The following SFMBT1 variants were observed in gnomAD, a reference collection of about 807,000 sequenced individuals.
SFMBT1 encodes the protein Scm like with four mbt domains 1.
A neutral mutation model predicts 108.7 loss-of-function variants in SFMBT1; 32 were observed. The ratio of observed to expected loss-of-function variants is 0.29; its 90% CI spans 0.22 to 0.40. The LOEUF (loss-of-function observed/expected upper bound fraction) is 0.40, where lower values mean the gene tolerates loss of function less well. Among genes scored for constraint, SFMBT1 ranks in the 10% least tolerant of loss-of-function variants. The pLI is 1.00. For missense variants in SFMBT1, 816 were observed against 1,059.6 expected (o/e 0.77, Z 3.19); for synonymous variants, 348 against 369.5 (o/e 0.94, Z 0.67).
intron 1 of SFMBT1, among the ~76,000 whole-genome samples, chr3:53,025,712 AC>A (rs1699466873): frequency 6.6e-6 from 1 of 152,152 alleles, no homozygotes. Context: ...TCCTAAACAT[AC>A]TTCATCTTTG....
chr3:53,019,112 A>C (rs1016581671), intron 1 of SFMBT1: 1 of 152,186 alleles, frequency 6.6e-6, no homozygotes, highest in Non-Finnish European at 1.5e-5. Context: ...CAACACAGTG[A>C]GACTTCGTTT....
intron 1 of SFMBT1, among the ~76,000 whole-genome samples, chr3:53,019,998 C>T (rs1699250218): frequency 6.6e-6 from 1 of 152,126 alleles, no homozygotes; most frequent in African/African-American, 2.4e-5. Flanking sequence ...TGCTCTACCC[C>T]TCACCCAGCC....
chr3:53,010,725 T>C (rs998508113), intron 1 of SFMBT1, among the ~76,000 whole-genome samples: 1 of 152,206 alleles, frequency 6.6e-6, no homozygotes, highest in Admixed American at 6.5e-5. Context: ...TCTCTGTATA[T>C]ATAGAACTTA....
intron 1 of SFMBT1, among the ~76,000 whole-genome samples, chr3:53,007,575 T>A (rs912781477): frequency 6.6e-6 from 1 of 152,200 alleles, no homozygotes; most frequent in African/African-American, 2.4e-5. Context: ...AAGCAGCAGC[T>A]TGAAGGGCCT....
intron 3 of SFMBT1, among the ~76,000 whole-genome samples, chr3:52,951,004 G>A (rs900309188): frequency 2.0e-5 from 3 of 149,838 alleles, no homozygotes; most frequent in African/African-American, 7.3e-5. Flanking sequence ...GGTGTCTGTA[G>A]TCTCAGCTAC....
chr3:52,938,540 A>G (rs556576055), intron 4 of SFMBT1, among the ~76,000 whole-genome samples: 1 of 152,082 alleles, frequency 6.6e-6, no homozygotes, highest in Admixed American at 6.5e-5. Flanking sequence ...GAAGTTAGCT[A>G]TAAGCCCTTC....
chr3:53,013,998 G>A (rs942707058), intron 1 of SFMBT1, among the ~76,000 whole-genome samples: 6 of 152,020 alleles, frequency 3.9e-5, no homozygotes, highest in Non-Finnish European at 8.8e-5. Context: ...AGTGCTTACC[G>A]CACTAGGCAC....
At position 52,913,586 on chromosome 3, in the gene SFMBT1, C is replaced by A; in HGVS notation, c.1512G>T (p.Lys504Asn). 6.2e-7 allele frequency: 1 copy of A among 1,613,804 alleles called. No individual in the cohort carries two copies. Among genetic ancestry groups the A allele is most frequent in the Non-Finnish European group, 8.5e-7 (1 of 1,179,962 alleles). ...VMINGKYCCP[K>N]IYFNHRCFSG... Reference sequence around the variant, plus strand: ...AGAAGCAACGGTGGTTGAAGTATATCTTTGGACAGCAATATTTTCCATTAA... The same window carrying A: ...AGAAGCAACGGTGGTTGAAGTATATATTTGGACAGCAATATTTTCCATTAA... The change falls in exon 15 of 21, where the codon AAG becomes AAT. Residue 504 changes from lysine (K) to asparagine (N), a missense_variant. This residue lies in a region of SFMBT1 where 16 missense variants were observed against 57.5 expected (regional missense o/e 0.28). Coordinates refer to ENST00000394752, the MANE Select transcript of SFMBT1 (RefSeq NM_016329.4).
intron 1 of SFMBT1, among the ~76,000 whole-genome samples, chr3:52,985,607 T>A (rs1704877026): frequency 6.6e-6 from 1 of 152,364 alleles, no homozygotes; most frequent in South Asian, 2.1e-4. Flanking sequence ...CAGTCATGCA[T>A]CGCTTAATAA....
chr3:52,967,654 G>A (rs919856260), intron 2 of SFMBT1, among the ~76,000 whole-genome samples: 1 of 152,156 alleles, frequency 6.6e-6, no homozygotes, highest in African/African-American at 2.4e-5. Flanking sequence ...TTGATAATGA[G>A]CCAAAGACAT....
intron 4 of SFMBT1, among the ~76,000 whole-genome samples, chr3:52,937,588 C>T (rs1034169096): frequency 2.7e-5 from 4 of 146,232 alleles, no homozygotes; most frequent in Admixed American, 2.7e-4. Flanking sequence ...ATGATTCATT[C>T]TTTTTTTTTT....
intron 1 of SFMBT1, among the ~76,000 whole-genome samples, chr3:53,008,632 C>CA (rs1484150618): frequency 4.3e-5 from 6 of 139,272 alleles, no homozygotes; most frequent in Non-Finnish European, 9.4e-5. Flanking sequence ...CCTAGGTAGA[C>CA]TTTTTTTTTT....
chr3:53,042,146 T>G (rs1700079041), intron 1 of SFMBT1, among the ~76,000 whole-genome samples: 1 of 152,226 alleles, frequency 6.6e-6, no homozygotes, highest in African/African-American at 2.4e-5. Context: ...ATCTATTTAC[T>G]TAATGTGAAC....
chr3:52,938,415 T>A (rs1256485819), intron 4 of SFMBT1, among the ~76,000 whole-genome samples: 2 of 152,204 alleles, frequency 1.3e-5, no homozygotes, highest in Non-Finnish European at 2.9e-5. Context: ...GTCTCTTTCG[T>A]CATATAGAAA....
chr3:53,033,570 CTT>C (rs1158471836), intron 1 of SFMBT1, among the ~76,000 whole-genome samples: 1 of 151,972 alleles, frequency 6.6e-6, no homozygotes, highest in Non-Finnish European at 1.5e-5. Flanking sequence ...ATACTCTCTA[CTT>C]AGATTCAAAA....
intron 10 of SFMBT1, among the ~76,000 whole-genome samples, chr3:52,925,358 A>C (rs544743647): frequency 6.6e-6 from 1 of 152,362 alleles, no homozygotes; most frequent in South Asian, 2.1e-4. Flanking sequence ...CAGAGAGGAA[A>C]GGTAATAAAA....
chr3:53,019,063 A>C (rs1039124864), intron 1 of SFMBT1: 1 of 152,188 alleles, frequency 6.6e-6, no homozygotes, highest in Admixed American at 6.5e-5. Flanking sequence ...GCTGAGGTGG[A>C]AGTATTGCTT....
chr3:53,011,504 T>A (rs1698942001), intron 1 of SFMBT1, among the ~76,000 whole-genome samples: 1 of 152,004 alleles, frequency 6.6e-6, no homozygotes, highest in Non-Finnish European at 1.5e-5. Flanking sequence ...ATATACTCAG[T>A]TAAAGGGCAG....
intron 2 of SFMBT1, among the ~76,000 whole-genome samples, chr3:52,965,881 C>T (rs1704117438): frequency 6.7e-6 from 1 of 149,748 alleles, no homozygotes; most frequent in East Asian, 2.0e-4. Context: ...TAGCAGGCAC[C>T]TGTAGTCCCA....
Sources: allele counts gnomAD v4.1 joint callset (sites outside exome capture counted in the v4.1 genomes callset), GRCh38; gene constraint gnomAD v4.1.1; regional missense constraint gnomAD v4.1.1; transcripts MANE v1.5; gene names NCBI Gene and HGNC (gene_info 2026-07-23, HGNC 2026-07-21).